CYRIB: variants seen among roughly 807,000 people sequenced by gnomAD.
CYRIB encodes CYFIP related Rac1 interactor B.
CYRIB carries 8 observed loss-of-function variants against 44.2 expected under a neutral mutation model. That is an observed-to-expected ratio of 0.18 (90% CI 0.11 to 0.33). The LOEUF (loss-of-function observed/expected upper bound fraction) is 0.33, where lower values mean the gene tolerates loss of function less well. Among genes scored for constraint, CYRIB ranks in the 10% least tolerant of loss-of-function variants. The probability of loss-of-function intolerance (pLI) is 1.00; values close to 1 mark genes in which losing one functional copy is unlikely to be tolerated. For synonymous variants in CYRIB, 131 were observed against 127.2 expected, an observed-to-expected ratio of 1.03 and a Z score of -0.20; for missense variants, 185 against 382.8, an observed-to-expected ratio of 0.48 and a Z score of 4.31.
intron 1 of CYRIB, among the ~76,000 whole-genome samples, chr8:129,992,415 G>T (rs2096660850): frequency 6.6e-6 from 1 of 152,168 alleles, no homozygotes; most frequent in African/African-American, 2.4e-5. Flanking sequence ...AGCAAGAAAT[G>T]ACCCTACTGC....
chr8:129,931,135 G>A (rs551168216), intron 1 of CYRIB, among the ~76,000 whole-genome samples: 3 of 151,226 alleles, frequency 2.0e-5, no homozygotes, highest in Non-Finnish European at 4.4e-5. Context: ...AAATAAAATG[G>A]AGCCCTACTC....
At chr8:129,898,087 T>A (rs1227325290) in intron 2 of CYRIB, among the ~76,000 whole-genome samples, 1 of 8,222 alleles carries the variant, frequency 1.2e-4, no homozygotes, top group Non-Finnish European at 4.7e-4. Context: ...TTTTTTTAAG[T>A]TTTTTTGTTT....
chr8:129,981,498 T>C (rs1326449149), intron 1 of CYRIB, among the ~76,000 whole-genome samples: 1 of 152,174 alleles, frequency 6.6e-6, no homozygotes, highest in Non-Finnish European at 1.5e-5. Flanking sequence ...AGCTCACTAA[T>C]AGATGAGCAA....
intron 1 of CYRIB, among the ~76,000 whole-genome samples, chr8:129,933,897 AAG>A (rs1337017860): frequency 7.5e-4 from 66 of 88,132 alleles, no homozygotes; most frequent in African/African-American, 2.3e-3. Flanking sequence ...CAAAAAAAAA[AAG>A]AAGAAGAAGA....
At chr8:129,883,260 T>C (rs1247297447) in intron 2 of CYRIB, among the ~76,000 whole-genome samples, 1 of 151,920 alleles carries the variant, frequency 6.6e-6, no homozygotes, top group Non-Finnish European at 1.5e-5. Context: ...CACCAACATC[T>C]TGGGCTTCAA....
At chr8:129,897,089 G>A (rs2068464990) in intron 2 of CYRIB, among the ~76,000 whole-genome samples, 1 of 152,158 alleles carries the variant, frequency 6.6e-6, no homozygotes, top group African/African-American at 2.4e-5. Flanking sequence ...ACAACAGGCA[G>A]AATGGCTTTA....
At chr8:129,990,906 G>A (rs532999394) in intron 1 of CYRIB, among the ~76,000 whole-genome samples, 19 of 152,058 alleles carry the variant, frequency 1.2e-4, no homozygotes, top group South Asian at 4.2e-4. Context: ...CAAGGTGAGC[G>A]GATCACCTGA....
At chr8:129,875,612 C>A (rs554805201) in intron 3 of CYRIB, among the ~76,000 whole-genome samples, 1 of 151,984 alleles carries the variant, frequency 6.6e-6, no homozygotes, top group Non-Finnish European at 1.5e-5. Flanking sequence ...TAAATAAAAA[C>A]AAAATAAAAT....
intron 5 of CYRIB, among the ~76,000 whole-genome samples, chr8:129,861,485 G>A (rs916139510): frequency 2.0e-5 from 3 of 152,088 alleles, no homozygotes; most frequent in Non-Finnish European, 2.9e-5. Context: ...TGTCGCCCAG[G>A]CTGGAGTGCA....
intron 1 of CYRIB, among the ~76,000 whole-genome samples, chr8:129,911,381 C>T (rs1482931945): frequency 1.3e-5 from 2 of 152,186 alleles, no homozygotes; most frequent in East Asian, 3.9e-4. Flanking sequence ...GAGAAAATTA[C>T]TTTTCAGGAA....
At chr8:129,868,641 G>C (rs766658561) in intron 4 of CYRIB, 12 of 151,884 alleles carry the variant, frequency 7.9e-5, no homozygotes, top group Non-Finnish European at 1.3e-4. Context: ...GGTATCCTAT[G>C]CAAAACTTCA....
chr8:129,908,986 C>G (rs990401539), intron 1 of CYRIB, among the ~76,000 whole-genome samples: 2 of 151,954 alleles, frequency 1.3e-5, no homozygotes, highest in South Asian at 4.1e-4. Context: ...GAGATGGAGT[C>G]TTGCTATGTT....
At chr8:129,858,627 A>G (rs16904161) in intron 5 of CYRIB, among the ~76,000 whole-genome samples, 2,198 of 152,310 alleles carry the variant, frequency 0.014, 52 homozygotes, top group African/African-American at 0.05. Flanking sequence ...GACAACCAAG[A>G]GTCATGACCA....
rs567133437 is a variant in CYRIB, at chr8:129,884,926, G to A, written c.-10-5455C>T. Among the ~76,000 whole-genome samples the A allele has an allele frequency of 3.9e-5, 6 of 152,204 alleles. No individual in the cohort carries two copies. The East Asian group carries it at 7.7e-4, about 20-fold the overall frequency. ...TGACAACTTATCTGGAAAGGAACAC[G>A]CCCTTCCTGGCCGGTAGTCTGTGGA... On this transcript the variant is annotated intron_variant, in intron 2 of 11. Transcript: ENST00000519824.
intron 2 of CYRIB, among the ~76,000 whole-genome samples, chr8:129,951,168 G>C (rs976093548): frequency 6.6e-6 from 1 of 152,096 alleles, no homozygotes; most frequent in African/African-American, 2.4e-5. Flanking sequence ...GCCAGGTGTG[G>C]TGGCGGGAGC....
chr8:129,936,519 A>G (rs184214202), intron 1 of CYRIB, among the ~76,000 whole-genome samples: 3 of 152,198 alleles, frequency 2.0e-5, no homozygotes, highest in Non-Finnish European at 2.9e-5. Flanking sequence ...ATAATTGTAG[A>G]AACTCTAAAT....
intron 2 of CYRIB, among the ~76,000 whole-genome samples, chr8:129,951,209 C>T (rs1222532667): frequency 4.6e-5 from 7 of 152,132 alleles, no homozygotes; most frequent in Admixed American, 2.0e-4. Context: ...GAGGCTGGGG[C>T]GGGAGAATCA....
rs549619797 is a variant in CYRIB, at chr8:129,937,421, C to T, written c.-50+2187G>A. On this transcript the variant is annotated intron_variant, in intron 1 of 11. Coordinates refer to ENST00000519824, the Ensembl canonical transcript of CYRIB. ...GGAGTAAAATAAGCACCCCTCTATA[C>T]TTCTCCATCAATTGTTATTTACTAT... 2.2e-3 allele frequency among the ~76,000 whole-genome samples: 331 copies of T among 152,330 alleles called. 1 individual carries two copies. The highest frequency in any genetic ancestry group is 7.4e-3 in the African/African-American group (309 of 41,568).
At chr8:130,013,130 CTGT>C (rs1387275776) in intron 1 of CYRIB, among the ~76,000 whole-genome samples, 7 of 152,282 alleles carry the variant, frequency 4.6e-5, no homozygotes, top group African/African-American at 1.4e-4. Flanking sequence ...GTGATTATTA[CTGT>C]TGTTGATGAT....
Sources: gnomAD v4.1 joint callset for allele counts (sites outside exome capture counted in the v4.1 genomes callset) on GRCh38, gnomAD v4.1.1 for gene constraint, MANE v1.5 for transcripts, NCBI Gene and HGNC (gene_info 2026-07-23, HGNC 2026-07-21) for gene names.